The following PXK variants were observed in gnomAD, a reference collection of about 807,000 sequenced individuals.
PXK encodes PX domain containing serine/threonine kinase like.
Under a neutral mutation model 84.7 loss-of-function variants are expected in PXK, and 35 were observed. That is an observed-to-expected ratio of 0.41 (90% CI 0.32 to 0.55). The LOEUF (loss-of-function observed/expected upper bound fraction) is 0.55. Among genes scored for constraint, PXK ranks in the 20% least tolerant of loss-of-function variants. The probability of loss-of-function intolerance (pLI) is 0.21; values close to 1 mark genes in which losing one functional copy is unlikely to be tolerated. For synonymous variants in PXK, 253 were observed against 260.8 expected, an observed-to-expected ratio of 0.97 and a Z score of 0.29; for missense variants, 634 against 699.7, an observed-to-expected ratio of 0.91 and a Z score of 1.06.
At chr3:58,361,590 A>G (rs2098188620) in intron 1 of PXK, among the ~76,000 whole-genome samples, 1 of 152,204 alleles carries the variant, frequency 6.6e-6, no homozygotes, top group South Asian at 2.1e-4. Context: ...ATATAAATAG[A>G]ATTGTACAGT....
intron 3 of PXK, among the ~76,000 whole-genome samples, chr3:58,372,333 T>A (rs1368207959): frequency 6.6e-6 from 1 of 152,142 alleles, no homozygotes; most frequent in African/African-American, 2.4e-5. Flanking sequence ...GCTTTTTCTT[T>A]TTTTTTTGAG....
intron 1 of PXK, among the ~76,000 whole-genome samples, chr3:58,348,054 C>T (rs569756832): frequency 2.1e-4 from 32 of 152,172 alleles, no homozygotes; most frequent in African/African-American, 7.0e-4. Context: ...ACTACAGGCG[C>T]GTGAGACCGT....
At chr3:58,341,337 A>G (rs1295210578) in intron 1 of PXK, among the ~76,000 whole-genome samples, 1 of 152,090 alleles carries the variant, frequency 6.6e-6, no homozygotes, top group Non-Finnish European at 1.5e-5. Context: ...TGAGGCAGGC[A>G]GATCACTTGA....
rs1576749557 is a variant in PXK at position 58,412,758 on chromosome 3, T to A, written c.1466-143T>A. ...CTGTCACTGGGTCCGGTCTCTGAGT[T>A]TTTTGTCCCTCATCATCTTGTTTCA... On this transcript the variant is annotated intron_variant, in intron 16 of 17. Transcript: ENST00000356151. This position sits in a 1 kb window ranked among gnomAD's most constrained non-coding sequence, Gnocchi z 6.2. 1 of 806,900 alleles carries A rather than the reference T, an allele frequency of 1.2e-6. No individual in the cohort carries two copies. Among genetic ancestry groups the A allele is most frequent in the Non-Finnish European group, 2.1e-6 (1 of 481,496 alleles). The allele number at this position is 806,900 out of a possible 1,614,324, so 50.0% of individuals were successfully genotyped here.
rs2057971331 is a variant in PXK at position 58,397,985 on chromosome 3, A to G, written c.1102+263A>G. Among the ~76,000 whole-genome samples, 1 of 152,216 alleles carries G rather than the reference A, an allele frequency of 6.6e-6. No homozygotes were observed. The highest frequency in any genetic ancestry group is 1.5e-5 in the Non-Finnish European group (1 of 68,048). On this transcript the variant is annotated intron_variant, in intron 11 of 17. Coordinates refer to ENST00000356151, the MANE Select transcript of PXK (RefSeq NM_017771.5). The surrounding 1 kb of genome is among the most constrained non-coding windows in gnomAD (Gnocchi z 4.7). ...GCTTTAGAGCTTTGGAAGCAGGAGG[A>G]TGTAAAGAGAAGTATGGCCTGCATG...
chr3:58,355,315 C>T (rs2098049365), intron 1 of PXK, among the ~76,000 whole-genome samples: 1 of 152,122 alleles, frequency 6.6e-6, no homozygotes, highest in Non-Finnish European at 1.5e-5. Context: ...CTGACAGGTT[C>T]TGCAAAACAT....
chr3:58,371,941 A>G (rs2098378989), intron 3 of PXK, among the ~76,000 whole-genome samples: 1 of 152,220 alleles, frequency 6.6e-6, no homozygotes, highest in Non-Finnish European at 1.5e-5. Flanking sequence ...AAAAAGACTC[A>G]AACCTCAGAA....
rs1282994024 is a variant in PXK, at chr3:58,390,807, G to C, written c.466+148G>C. On this transcript the variant is annotated intron_variant, in intron 5 of 17. Coordinates refer to ENST00000356151, the MANE Select transcript of PXK (RefSeq NM_017771.5). The surrounding 1 kb of genome is among the most constrained non-coding windows in gnomAD (Gnocchi z 4.2). Reference sequence around the variant, plus strand: ...ATATCAACTGCTTGAGGATACAGCTGGTAACTTTTAATACTTAATGAACCT... The same window carrying C: ...ATATCAACTGCTTGAGGATACAGCTCGTAACTTTTAATACTTAATGAACCT... 1.4e-6 allele frequency: 1 copy of C among 720,984 alleles called. No individual in the cohort carries two copies. 44.7% of individuals were successfully genotyped at this position (720,984 alleles called of 1,614,324 possible).
chr3:58,391,311 G>C (rs2098629222), intron 6 of PXK, 91 bp downstream of exon 6: 1 of 1,126,502 alleles, frequency 8.9e-7, no homozygotes. Flanking sequence ...ATTGTACTGT[G>C]CTCTTAAGTG....
intron 3 of PXK, among the ~76,000 whole-genome samples, chr3:58,378,503 TTTTTTTTTTTGTGTGTGTGTGTGTG>T (rs1325283640): frequency 3.5e-4 from 28 of 80,776 alleles, no homozygotes; most frequent in African/African-American, 1.1e-3. Context: ...TTTTTTTTTT[TTTTTTTTTTTGTGTGTGTGTGTGTG>T]TGTGTGTGTG....
intron 2 of PXK, among the ~76,000 whole-genome samples, chr3:58,367,371 A>C (rs1466007128): frequency 2.6e-5 from 4 of 151,754 alleles, no homozygotes; most frequent in African/African-American, 9.7e-5. Context: ...TAGCCTCCCG[A>C]GTAGCTGGGA....
chr3:58,334,608 A>T (rs2097553177), intron 1 of PXK, among the ~76,000 whole-genome samples: 1 of 152,192 alleles, frequency 6.6e-6, no homozygotes, highest in Non-Finnish European at 1.5e-5. Flanking sequence ...GGAAGCATTC[A>T]TGATTTCTAC....
chr3:58,365,743 C>G lies in PXK; in HGVS notation c.103-131C>G, dbSNP rs1375842509. ...TTGTTTTTATGTAATGTCCCTTTCT[C>G]TCTGTCTCTGGTAAATTTCCTTGCT... On this transcript the variant is annotated intron_variant, in intron 1 of 17. Transcript: ENST00000356151. The G allele has an allele frequency of 6.1e-6, 4 of 657,758 alleles. No homozygotes were observed. The South Asian group carries it at 8.2e-5, about 14-fold the overall frequency. The allele number at this position is 657,758 out of a possible 1,614,324, so 40.7% of individuals were successfully genotyped here. A position where few individuals can be genotyped will look rare whatever the true frequency, so the allele number is the denominator to read the frequency against.
chr3:58,420,082 T>C (rs2061589618), intron 17 of PXK, among the ~76,000 whole-genome samples: 1 of 152,140 alleles, frequency 6.6e-6, no homozygotes, highest in Non-Finnish European at 1.5e-5. Flanking sequence ...GAAGACTTGC[T>C]TGGAAAAAAG....
intron 17 of PXK, chr3:58,420,417 A>G: frequency 7.7e-7 from 1 of 1,296,724 alleles, no homozygotes; most frequent in Non-Finnish European, 1.1e-6. Context: ...CGAAGTGAGA[A>G]TAATCAGCTT....
At chr3:58,335,852 G>A (rs1231683296) in intron 1 of PXK, among the ~76,000 whole-genome samples, 1 of 151,698 alleles carries the variant, frequency 6.6e-6, no homozygotes, top group Non-Finnish European at 1.5e-5. Flanking sequence ...TCCCAAGGTT[G>A]TTAGGAAGAT....
chr3:58,358,937 TA>T (rs2098134501), intron 1 of PXK, among the ~76,000 whole-genome samples: 1 of 152,196 alleles, frequency 6.6e-6, no homozygotes, highest in African/African-American at 2.4e-5. Context: ...AAGCCAAGTT[TA>T]TTTTTTTAAT....
At chr3:58,361,960 G>A (rs1364387572) in intron 1 of PXK, among the ~76,000 whole-genome samples, 1 of 152,164 alleles carries the variant, frequency 6.6e-6, no homozygotes, top group African/African-American at 2.4e-5. Context: ...AGTCCCATCT[G>A]CAATGTATGA....
At chr3:58,410,208 C>A in intron 16 of PXK, 49 bp downstream of exon 16, 4 of 1,404,856 alleles carry the variant, frequency 2.8e-6, no homozygotes, top group Non-Finnish European at 3.0e-6. Context: ...AGATCAGGAT[C>A]AGGAGTCTCT....
Sources: gnomAD v4.1 joint callset for allele counts (sites outside exome capture counted in the v4.1 genomes callset) on GRCh38, gnomAD v4.1.1 for gene constraint, Gnocchi (gnomAD v3.1) non-coding constraint, MANE v1.5 for transcripts, NCBI Gene and HGNC (gene_info 2026-07-23, HGNC 2026-07-21) for gene names.